The following ROBO2 variants were observed in gnomAD, a reference collection of about 807,000 sequenced individuals.
The protein encoded by ROBO2 is roundabout homolog 2.
Under a neutral mutation model 160.8 loss-of-function variants are expected in ROBO2, and 53 were observed. The ratio of observed to expected loss-of-function variants is 0.33; its 90% CI spans 0.26 to 0.41. The LOEUF (loss-of-function observed/expected upper bound fraction) is 0.41. Ranked by LOEUF, ROBO2 falls within the 10% of genes least tolerant of loss-of-function variation. The pLI, the probability that ROBO2 is intolerant of heterozygous loss-of-function variation, is 1.00. For synonymous variants in ROBO2, 664 were observed against 611.7 expected (o/e 1.09, Z -1.26); for missense variants, 1,577 against 1,722.4 (o/e 0.92, Z 1.49).
intron 2 of ROBO2, among the ~76,000 whole-genome samples, chr3:77,462,974 C>T (rs1374899): frequency 0.77 from 117,440 of 152,120 alleles, 45,924 homozygotes; most frequent in African/African-American, 0.9. Flanking sequence ...TTTTACCTTA[C>T]GGCATTTTAA....
chr3:76,005,181 C>T (rs1008428575), intron 2 of ROBO2, among the ~76,000 whole-genome samples: 2 of 152,118 alleles, frequency 1.3e-5, no homozygotes, highest in African/African-American at 2.4e-5. Context: ...TCCATTATAG[C>T]AGCACAGACT....
chr3:76,850,677 AGCT>A (rs767196694), intron 2 of ROBO2, among the ~76,000 whole-genome samples: 5 of 152,112 alleles, frequency 3.3e-5, no homozygotes, highest in Non-Finnish European at 7.4e-5. Context: ...CAAAGACACC[AGCT>A]GTATTTGAAT....
intron 2 of ROBO2, among the ~76,000 whole-genome samples, chr3:76,387,577 A>G (rs1036955475): frequency 6.6e-6 from 1 of 152,204 alleles, no homozygotes; most frequent in Admixed American, 6.5e-5. Flanking sequence ...CAGATATGGC[A>G]CTAATTAATT....
chr3:77,282,879 T>C (rs533307576), intron 2 of ROBO2, among the ~76,000 whole-genome samples: 1 of 152,118 alleles, frequency 6.6e-6, no homozygotes, highest in South Asian at 2.1e-4. Flanking sequence ...AAATAAAGTT[T>C]TTATAAATGA....
intron 2 of ROBO2, among the ~76,000 whole-genome samples, chr3:77,159,557 G>A (rs2078307493): frequency 6.6e-6 from 1 of 151,994 alleles, no homozygotes; most frequent in South Asian, 2.1e-4. Context: ...AGTCATCAGT[G>A]GCACTTGTGA....
intron 4 of ROBO2, among the ~76,000 whole-genome samples, chr3:77,486,018 A>G (rs1159055751): frequency 6.6e-6 from 1 of 152,172 alleles, no homozygotes; most frequent in East Asian, 1.9e-4. Flanking sequence ...ACTTATAAGT[A>G]AGAACACGCA....
intron 2 of ROBO2, among the ~76,000 whole-genome samples, chr3:77,229,917 A>C (rs574732901): frequency 6.6e-6 from 1 of 152,340 alleles, no homozygotes; most frequent in African/African-American, 2.4e-5. Context: ...GGGATGGTAA[A>C]AAAATAAAAA....
At chr3:77,009,337 A>G (rs2061744766) in intron 2 of ROBO2, among the ~76,000 whole-genome samples, 1 of 152,220 alleles carries the variant, frequency 6.6e-6, no homozygotes, top group Non-Finnish European at 1.5e-5. Flanking sequence ...TGGTAACCAG[A>G]CTACTTACCA....
chr3:77,422,580 T>C (rs946644238), intron 2 of ROBO2, among the ~76,000 whole-genome samples: 2 of 152,180 alleles, frequency 1.3e-5, no homozygotes, highest in Admixed American at 6.5e-5. Flanking sequence ...ACAGATTCAT[T>C]CAAATAGAAC....
At chr3:76,392,329 C>CCA (rs2077194471) in intron 2 of ROBO2, among the ~76,000 whole-genome samples, 1 of 152,032 alleles carries the variant, frequency 6.6e-6, no homozygotes, top group African/African-American at 2.4e-5. Context: ...TGGTTTAGAA[C>CCA]TTTGTGTTCA....
At chr3:77,540,942 T>A (rs2092433599) in intron 6 of ROBO2, among the ~76,000 whole-genome samples, 1 of 152,218 alleles carries the variant, frequency 6.6e-6, no homozygotes, top group Admixed American at 6.5e-5. Context: ...AGTTTGTGAC[T>A]AAGTGAAATT....
At chr3:77,586,654 T>G (rs2094057494) in intron 16 of ROBO2, among the ~76,000 whole-genome samples, 1 of 151,884 alleles carries the variant, frequency 6.6e-6, no homozygotes, top group African/African-American at 2.4e-5. Flanking sequence ...TTAATAAAAA[T>G]GAAATATTAT....
chr3:76,607,560 T>G (rs1462858738), intron 2 of ROBO2, among the ~76,000 whole-genome samples: 3 of 152,230 alleles, frequency 2.0e-5, no homozygotes, highest in Non-Finnish European at 2.9e-5. Flanking sequence ...TATACTTTCA[T>G]AGATGTGCAT....
At chr3:76,624,535 A>G (rs1357689169) in intron 2 of ROBO2, among the ~76,000 whole-genome samples, 1 of 152,036 alleles carries the variant, frequency 6.6e-6, no homozygotes. Context: ...CGGTGGGCTC[A>G]CACCTGTAAT....
chr3:76,895,190 A>G (rs1174560215), intron 2 of ROBO2, among the ~76,000 whole-genome samples: 1 of 151,286 alleles, frequency 6.6e-6, no homozygotes, highest in Admixed American at 6.6e-5. Context: ...TTTTTTTCTA[A>G]TGTCTTTACT....
chr3:76,463,164 G>A (rs1372060054), intron 2 of ROBO2, among the ~76,000 whole-genome samples: 1 of 152,114 alleles, frequency 6.6e-6, no homozygotes, highest in Non-Finnish European at 1.5e-5. Flanking sequence ...CAATGGCACA[G>A]GCAGGATCGA....
chr3:76,084,031 G>GA (rs879476810), intron 2 of ROBO2, among the ~76,000 whole-genome samples: 5 of 151,958 alleles, frequency 3.3e-5, no homozygotes, highest in Admixed American at 2.0e-4. Flanking sequence ...TTGTGTTGGG[G>GA]AAAAAAATCC....
Position 77,248,333 on chromosome 3 carries a change from G to A in ROBO2, c.388+149993G>A, listed in dbSNP as rs115538697. On this transcript the variant is annotated intron_variant, in intron 2 of 25. Transcript: ENST00000461745. ...TAAGAACTCGGGTGCCACGAGTGTG[G>A]GTGCAAAAACTGTCACACTGACCCT... 8.7e-3 allele frequency among the ~76,000 whole-genome samples: 1,316 copies of A among 152,040 alleles called. 16 individuals are homozygous for A. The highest frequency in any genetic ancestry group is 0.03 in the African/African-American group (1,239 of 41,486).
At chr3:76,528,170 G>A (rs1054473964) in intron 2 of ROBO2, among the ~76,000 whole-genome samples, 1 of 152,136 alleles carries the variant, frequency 6.6e-6, no homozygotes, top group Non-Finnish European at 1.5e-5. Context: ...ACTGGAAATA[G>A]GTTAGCAAAC....
Sources: allele counts gnomAD v4.1 joint callset (sites outside exome capture counted in the v4.1 genomes callset), GRCh38; gene constraint gnomAD v4.1.1; transcripts MANE v1.5; gene names NCBI Gene and HGNC (gene_info 2026-07-23, HGNC 2026-07-21).